The following BLK variants were observed in gnomAD, a reference collection of about 807,000 sequenced individuals.
BLK encodes BLK proto-oncogene, Src family tyrosine kinase.
A neutral mutation model predicts 61.8 loss-of-function variants in BLK; 64 were observed. The ratio of observed to expected loss-of-function variants is 1.03; its 90% CI spans 0.85 to 1.27. BLK has a LOEUF of 1.27. Among genes scored for constraint, BLK ranks in the 50% most tolerant of loss-of-function variants. The pLI is 0.00. For synonymous variants in BLK, 351 were observed against 272.0 expected (o/e 1.29, Z -2.86); for missense variants, 853 against 660.5 (o/e 1.29, Z -3.19).
intron 1 of BLK, among the ~76,000 whole-genome samples, chr8:11,537,257 G>C (rs1243507054): frequency 6.6e-6 from 1 of 152,142 alleles, no homozygotes; most frequent in Non-Finnish European, 1.5e-5. Context: ...AGCATTGGTG[G>C]TTTGTACTGG....
At position 11,516,433 on chromosome 8, in the gene BLK, CTG is replaced by C. The variant is rs1397897476; in HGVS notation, c.-2+21844_-2+21845del. On this transcript the variant is annotated intron_variant, in intron 1 of 12. Coordinates refer to ENST00000259089, the MANE Select transcript of BLK (RefSeq NM_001715.3). ...GCAAAGAAAGTTCACCGCCCTATTG[CTG>C]TCTCTCCCAGAGGATCTTTCTGACC... 3.9e-5 allele frequency among the ~76,000 whole-genome samples: 6 copies of C among 152,210 alleles called. No homozygotes were observed. The East Asian group carries it at 1.2e-3, about 29-fold the overall frequency.
intron 10 of BLK, chr8:11,560,477 T>G (rs1801459079): frequency 4.0e-6 from 1 of 247,290 alleles, no homozygotes; most frequent in African/African-American, 2.3e-5. Flanking sequence ...TGGAATCAAT[T>G]CTAGTGCTGG....
intron 1 of BLK, among the ~76,000 whole-genome samples, chr8:11,498,413 C>G (rs1440622172): frequency 1.3e-5 from 2 of 152,156 alleles, no homozygotes; most frequent in African/African-American, 2.4e-5. Flanking sequence ...TAGGTGGGTA[C>G]TTACAGTTTT....
At chr8:11,563,859 G>A in intron 12 of BLK, 44 bp from the exon 13 acceptor site, 2 of 1,565,968 alleles carry the variant, frequency 1.3e-6, no homozygotes, top group Non-Finnish European at 1.7e-6. Context: ...CACCCACCGA[G>A]GACCCCAGCC....
chr8:11,544,730 T>C (rs944275618), intron 2 of BLK, among the ~76,000 whole-genome samples: 2 of 152,172 alleles, frequency 1.3e-5, no homozygotes, highest in Non-Finnish European at 2.9e-5. Context: ...CTTCCGTGTG[T>C]TCATTTCATG....
Position 11,563,062 on chromosome 8 carries a change from G to C in BLK, c.1264G>C (p.Gly422Arg), listed in dbSNP as rs776975123. 6.2e-7 allele frequency: 1 copy of C among 1,613,956 alleles called. No individual in the cohort carries two copies. Among genetic ancestry groups the C allele is most frequent in the Non-Finnish European group, 8.5e-7 (1 of 1,180,034 alleles). Residue 422 changes from glycine to arginine, a missense_variant, in exon 12 of 13, where the codon GGA becomes CGA. Coordinates refer to ENST00000259089, the MANE Select transcript of BLK (RefSeq NM_001715.3). ...FTIKADVWSF[G>R]VLLMEVVTYG... ...CATCAAAGCAGACGTGTGGTCGTTT[G>C]GAGTCCTCCTGATGGAAGTTGTCAC... is the stretch of plus-strand genomic sequence containing the variant.
At chr8:11,520,843 G>C (rs1369573554) in intron 1 of BLK, among the ~76,000 whole-genome samples, 1 of 152,072 alleles carries the variant, frequency 6.6e-6, no homozygotes, top group Non-Finnish European at 1.5e-5. Context: ...AACTGAAATA[G>C]ACAAAAATCA....
intron 12 of BLK, among the ~76,000 whole-genome samples, chr8:11,563,480 C>T (rs76404565): frequency 6.6e-6 from 1 of 152,210 alleles, no homozygotes; most frequent in African/African-American, 2.4e-5. Flanking sequence ...TGGCCAGAAT[C>T]GTGGACGACA....
intron 1 of BLK, among the ~76,000 whole-genome samples, chr8:11,504,890 G>A (rs1397443903): frequency 6.6e-6 from 1 of 152,152 alleles, no homozygotes; most frequent in Non-Finnish European, 1.5e-5. Flanking sequence ...CATCTCTGTG[G>A]CCATGTTTCA....
intron 6 of BLK, chr8:11,552,824 A>T (rs1477297329): frequency 6.6e-6 from 1 of 152,312 alleles, no homozygotes; most frequent in Non-Finnish European, 1.5e-5. Flanking sequence ...AAGCCAGTCC[A>T]AGCTGGGAAT....
At chr8:11,531,704 C>T (rs1157448473) in intron 1 of BLK, among the ~76,000 whole-genome samples, 3 of 152,092 alleles carry the variant, frequency 2.0e-5, no homozygotes, top group Non-Finnish European at 4.4e-5. Context: ...TGACTGCGTG[C>T]TAATTTCTCC....
chr8:11,549,624 C>G (rs541019516), intron 5 of BLK, among the ~76,000 whole-genome samples: 2 of 152,352 alleles, frequency 1.3e-5, no homozygotes, highest in South Asian at 4.1e-4. Flanking sequence ...AATCTGCTCA[C>G]AGGGACTAGC....
chr8:11,509,154 C>T (rs1798897370), intron 1 of BLK: 1 of 152,060 alleles, frequency 6.6e-6, no homozygotes, highest in Non-Finnish European at 1.5e-5. Context: ...CTTTAGGTTA[C>T]ACCGCACGAA....
intron 6 of BLK, chr8:11,553,495 G>A (rs1410712942): frequency 1.4e-5 from 5 of 365,076 alleles, no homozygotes; most frequent in African/African-American, 2.1e-5. Flanking sequence ...GCAAGTGAGG[G>A]GTCTAAAGCA....
intron 1 of BLK, among the ~76,000 whole-genome samples, chr8:11,508,942 T>C (rs1312803032): frequency 2.0e-5 from 3 of 152,164 alleles, no homozygotes; most frequent in Non-Finnish European, 2.9e-5. Context: ...GGGCGCCTTT[T>C]GTGCCTCCTA....
intron 1 of BLK, among the ~76,000 whole-genome samples, chr8:11,523,345 G>C (rs114599763): frequency 6.6e-6 from 1 of 152,150 alleles, no homozygotes; most frequent in Admixed American, 6.5e-5. Context: ...CTTGAAGTCA[G>C]GTGTTTGAGT....
chr8:11,562,790 G>C (rs1184205042), intron 11 of BLK, among the ~76,000 whole-genome samples, 189 bp from the exon 12 acceptor site: 1 of 152,212 alleles, frequency 6.6e-6, no homozygotes, highest in Non-Finnish European at 1.5e-5. Flanking sequence ...CTGATGTCGT[G>C]TCTGCACTCA....
intron 10 of BLK, chr8:11,558,493 T>C (rs547100987): frequency 2.7e-6 from 1 of 369,792 alleles, no homozygotes; most frequent in Non-Finnish European, 5.3e-6. Context: ...AGCCCTGGCG[T>C]CGACCCCAGG....
Position 11,564,384 on chromosome 8 carries a change from G to C in BLK, c.*276G>C, listed in dbSNP as rs1200133234. Reference sequence around the variant, plus strand: ...ATCCGGAGTACTAAGCCCCAGTAAGGTGTTCAGGACTGGTAAGCGACTGTC... The same window carrying C: ...ATCCGGAGTACTAAGCCCCAGTAAGCTGTTCAGGACTGGTAAGCGACTGTC... On this transcript the variant is annotated 3_prime_UTR_variant, in exon 13 of 13. Transcript: ENST00000259089. 4 of 669,028 alleles carry C rather than the reference G, an allele frequency of 6.0e-6. No individual in the cohort carries two copies. The highest frequency in any genetic ancestry group is 1.1e-5 in the Non-Finnish European group (4 of 363,592). The allele number at this position is 669,028 out of a possible 1,614,324, so 41.4% of individuals were successfully genotyped here.
Sources: allele counts gnomAD v4.1 joint callset (sites outside exome capture counted in the v4.1 genomes callset), GRCh38; gene constraint gnomAD v4.1.1; transcripts MANE v1.5; gene names NCBI Gene and HGNC (gene_info 2026-07-23, HGNC 2026-07-21).